The following TMOD1 variants were observed in gnomAD, a reference collection of about 807,000 sequenced individuals.
The protein encoded by TMOD1 is tropomodulin-1.
Under a neutral mutation model 40.6 loss-of-function variants are expected in TMOD1, and 17 were observed. The ratio of observed to expected loss-of-function variants is 0.42; its 90% CI spans 0.29 to 0.63. The LOEUF (loss-of-function observed/expected upper bound fraction) is 0.63, where lower values mean the gene tolerates loss of function less well. Among genes scored for constraint, TMOD1 ranks in the 20% least tolerant of loss-of-function variants. The probability of loss-of-function intolerance (pLI) is 0.22; values close to 1 mark genes in which losing one functional copy is unlikely to be tolerated. For missense variants in TMOD1, 391 were observed against 447.6 expected, an observed-to-expected ratio of 0.87 and a Z score of 1.14; for synonymous variants, 181 against 175.0, an observed-to-expected ratio of 1.03 and a Z score of -0.27.
chr9:97,598,239 G>A (rs1347274028), intron 9 of TMOD1, among the ~76,000 whole-genome samples: 3 of 144,788 alleles, frequency 2.1e-5, no homozygotes, highest in Admixed American at 7.1e-5. Flanking sequence ...TGAAGCAGGA[G>A]AATTGCTTGA....
intron 1 of TMOD1, among the ~76,000 whole-genome samples, chr9:97,505,923 A>G (rs1587907595): frequency 6.6e-6 from 1 of 151,948 alleles, no homozygotes; most frequent in South Asian, 2.1e-4. Context: ...AAAGATCTTC[A>G]CCTGCGTCAA....
chr9:97,549,845 G>A (rs994024112), intron 3 of TMOD1, among the ~76,000 whole-genome samples: 3 of 151,776 alleles, frequency 2.0e-5, no homozygotes, highest in Non-Finnish European at 4.4e-5. Flanking sequence ...ACCTCCACCC[G>A]CCCTCCCTTC....
intron 9 of TMOD1, among the ~76,000 whole-genome samples, chr9:97,598,971 C>T (rs1229260365): frequency 6.6e-6 from 1 of 152,168 alleles, no homozygotes; most frequent in Non-Finnish European, 1.5e-5. Flanking sequence ...AAAACACTCT[C>T]CCTTGTTACA....
chr9:97,592,094 G>T (rs1179313628), intron 9 of TMOD1, among the ~76,000 whole-genome samples: 1 of 151,884 alleles, frequency 6.6e-6, no homozygotes, highest in Non-Finnish European at 1.5e-5. Context: ...ATACCTATAT[G>T]AACAAATAGG....
chr9:97,514,288 T>TC (rs1472155257), intron 1 of TMOD1, among the ~76,000 whole-genome samples: 6 of 150,550 alleles, frequency 4.0e-5, no homozygotes, highest in Non-Finnish European at 7.4e-5. Flanking sequence ...TTTTTTTTTT[T>TC]TGTATTTTTA....
At chr9:97,554,652 T>C (rs1252521749) in intron 4 of TMOD1, among the ~76,000 whole-genome samples, 1 of 151,878 alleles carries the variant, frequency 6.6e-6, no homozygotes, top group South Asian at 2.1e-4. Context: ...ATGGGCAGAA[T>C]TGGATGCAGG....
At chr9:97,577,735 A>T (rs1178630526) in intron 8 of TMOD1, among the ~76,000 whole-genome samples, 3 of 152,134 alleles carry the variant, frequency 2.0e-5, no homozygotes, top group Non-Finnish European at 2.9e-5. Context: ...CGTGCTATGC[A>T]CTCCAGTCTG....
Position 97,570,005 on chromosome 9 carries a change from G to A in TMOD1, c.870+968G>A, listed in dbSNP as rs534564361. On this transcript the variant is annotated intron_variant, in intron 8 of 9. Coordinates refer to ENST00000259365, the MANE Select transcript of TMOD1 (RefSeq NM_003275.4). The stretch of plus-strand genomic sequence containing the variant: ...GAATGGTTGTATAAATGTATGCATG[G>A]GAAAAAGATTGGAATGAAATATTAC... Among the ~76,000 whole-genome samples the A allele has an allele frequency of 2.0e-5, 3 of 152,082 alleles. No individual in the cohort carries two copies. The South Asian group carries it at 6.2e-4, about 32-fold the overall frequency.
At chr9:97,554,789 T>C (rs1033706025) in intron 4 of TMOD1, among the ~76,000 whole-genome samples, 1 of 152,162 alleles carries the variant, frequency 6.6e-6, no homozygotes, top group Non-Finnish European at 1.5e-5. Flanking sequence ...CACAGCTGCC[T>C]TCTGCGACTT....
At chr9:97,527,687 T>C (rs898384657) in intron 2 of TMOD1, among the ~76,000 whole-genome samples, 1 of 152,162 alleles carries the variant, frequency 6.6e-6, no homozygotes, top group Non-Finnish European at 1.5e-5. Flanking sequence ...GTTTAGACTT[T>C]GCTCAGTGGG....
In TMOD1 at chr9:97,538,414, T is replaced by G. The variant is rs78399906; in HGVS notation, c.121-7771T>G. Among the ~76,000 whole-genome samples, 27 of 152,202 alleles carry G rather than the reference T, an allele frequency of 1.8e-4. 1 individual carries two copies. The East Asian group carries it at 5.2e-3, about 29-fold the overall frequency. On this transcript the variant is annotated intron_variant, in intron 2 of 9. Transcript: ENST00000259365. ...TGCATGTGACTTTCAGTGCCTCTCA[T>G]GAATTGACGGCTGCTTTGGTGGAGT...
intron 5 of TMOD1, among the ~76,000 whole-genome samples, chr9:97,563,320 T>C (rs935341762): frequency 6.6e-6 from 1 of 152,242 alleles, no homozygotes; most frequent in Non-Finnish European, 1.5e-5. Context: ...CCCAAAGTGC[T>C]GGGATTACAG....
At chr9:97,591,124 G>A (rs766756727) in intron 8 of TMOD1, among the ~76,000 whole-genome samples, 167 bp from the exon 9 acceptor site, 10 of 152,162 alleles carry the variant, frequency 6.6e-5, no homozygotes, top group Non-Finnish European at 1.3e-4. Flanking sequence ...GCTCCTGGCC[G>A]TGTGACCTTT....
intron 2 of TMOD1, among the ~76,000 whole-genome samples, chr9:97,534,377 C>G (rs898204926): frequency 6.6e-6 from 1 of 152,122 alleles, no homozygotes; most frequent in African/African-American, 2.4e-5. Context: ...CAAATCCAGG[C>G]CCTCAAAGTA....
rs576315395 is a variant in TMOD1, at chr9:97,534,534, G to A, written c.120+10226G>A. The stretch of plus-strand genomic sequence containing the variant: ...ACCCAATTGGGGACAGCAGCTGGGT[G>A]GAAAAGCCAATGGCTTGGGACAGCA... On this transcript the variant is annotated intron_variant, in intron 2 of 9. Coordinates refer to ENST00000259365, the MANE Select transcript of TMOD1 (RefSeq NM_003275.4). Among the ~76,000 whole-genome samples the A allele has an allele frequency of 7.2e-5, 11 of 152,326 alleles. No individual in the cohort carries two copies. In the Middle Eastern group the frequency reaches 0.01, roughly 141 times the overall value.
chr9:97,598,620 C>T (rs1293655457), intron 9 of TMOD1, among the ~76,000 whole-genome samples: 1 of 152,166 alleles, frequency 6.6e-6, no homozygotes, highest in African/African-American at 2.4e-5. Flanking sequence ...CACATCTACC[C>T]CCAAGAAGTT....
chr9:97,553,426 A>T, intron 4 of TMOD1, 26 bp downstream of exon 4: 1 of 1,613,948 alleles, frequency 6.2e-7, no homozygotes, highest in South Asian at 1.1e-5. Flanking sequence ...GGAGCTTTCC[A>T]CATCCTCCAG....
intron 2 of TMOD1, among the ~76,000 whole-genome samples, chr9:97,538,000 G>T (rs770857837): frequency 6.6e-6 from 1 of 152,090 alleles, no homozygotes; most frequent in East Asian, 1.9e-4. Flanking sequence ...TTTGGACTAC[G>T]TGTCAATATT....
chr9:97,591,390 C>A lies in TMOD1; in HGVS notation c.970C>A (p.Pro324Thr), dbSNP rs770364113. Reference sequence around the variant, plus strand: ...CGGCTACCACTTTACCCAGCAAGGACCCCGGCTTCGGGCATCCAACGCAAT... The same window carrying A: ...CGGCTACCACTTTACCCAGCAAGGAACCCGGCTTCGGGCATCCAACGCAAT... ...KFGYHFTQQGPRLRASNAMMN... is the reference protein window; with the variant it reads ...KFGYHFTQQGTRLRASNAMMN... Residue 324 changes from proline to threonine, a missense_variant, in exon 9 of 10, where the codon CCC becomes ACC. Physicochemically the swap from Pro to Thr is conservative, Grantham distance 38. Transcript: ENST00000259365. 43 of 1,614,088 alleles carry A rather than the reference C, an allele frequency of 2.7e-5. No homozygotes were observed. The highest frequency in any genetic ancestry group is 4.2e-6 in the Non-Finnish European group (5 of 1,180,046).
Sources: gnomAD v4.1 joint callset for allele counts (sites outside exome capture counted in the v4.1 genomes callset) on GRCh38, gnomAD v4.1.1 for gene constraint, MANE v1.5 for transcripts, NCBI Gene and HGNC (gene_info 2026-07-23, HGNC 2026-07-21) for gene names.